Variants in EXOC4 observed in about 807,000 individuals in gnomAD.
EXOC4 encodes the protein SEC8-like 1.
EXOC4 carries 71 observed loss-of-function variants against 107.2 expected under a neutral mutation model. The observed-to-expected ratio is 0.66, with a 90% CI of 0.55 to 0.81. The LOEUF is 0.81. EXOC4 is among the 30% of genes least tolerant of loss of function. EXOC4 has a pLI of 0.00. For synonymous variants in EXOC4, 456 were observed against 441.2 expected (o/e 1.03, Z -0.42); for missense variants, 1,108 against 1,189.6 (o/e 0.93, Z 1.01).
At chr7:133,738,652 C>A (rs1795498399) in intron 10 of EXOC4, among the ~76,000 whole-genome samples, 1 of 152,136 alleles carries the variant, frequency 6.6e-6, no homozygotes, top group Non-Finnish European at 1.5e-5. Flanking sequence ...TTGAAAACAT[C>A]ATTTTTAGGG....
chr7:133,698,118 G>GAA (rs11429736), intron 10 of EXOC4, among the ~76,000 whole-genome samples: 9 of 151,808 alleles, frequency 5.9e-5, no homozygotes, highest in Admixed American at 3.9e-4. Context: ...AATAATTTAT[G>GAA]AAAAAAAATT....
At chr7:133,603,002 T>TACC (rs10700763) in intron 9 of EXOC4, among the ~76,000 whole-genome samples, 33,678 of 152,064 alleles carry the variant, frequency 0.22, 4,275 homozygotes, top group African/African-American at 0.33. Context: ...TGTCTACTAC[T>TACC]ACCCCAGTTA....
At chr7:133,788,001 A>ATG (rs1796624056) in intron 10 of EXOC4, among the ~76,000 whole-genome samples, 1 of 98,266 alleles carries the variant, frequency 1.0e-5, no homozygotes, top group Non-Finnish European at 2.1e-5. Flanking sequence ...ATATATATAT[A>ATG]TATATATATA....
At chr7:133,928,739 A>G (rs1242958621) in intron 13 of EXOC4, among the ~76,000 whole-genome samples, 1 of 152,038 alleles carries the variant, frequency 6.6e-6, no homozygotes, top group African/African-American at 2.4e-5. Flanking sequence ...GAGGCCAGAG[A>G]ACTAAAAAGC....
intron 9 of EXOC4, among the ~76,000 whole-genome samples, chr7:133,513,240 T>C (rs766564829): frequency 8.5e-5 from 13 of 152,208 alleles, no homozygotes; most frequent in Non-Finnish European, 1.6e-4. Context: ...GGCTAATTTT[T>C]GTATTTTTGG....
chr7:133,966,301 A>G (rs142114011), intron 14 of EXOC4, among the ~76,000 whole-genome samples: 1 of 152,294 alleles, frequency 6.6e-6, no homozygotes, highest in South Asian at 2.1e-4. Flanking sequence ...CTCTCTTCCT[A>G]TTTGAATATG....
At chr7:133,459,291 G>A (rs142409746) in intron 7 of EXOC4, among the ~76,000 whole-genome samples, 24 of 152,254 alleles carry the variant, frequency 1.6e-4, no homozygotes, top group South Asian at 4.1e-4. Flanking sequence ...CATAAGTACC[G>A]AGTTAGGCAC....
intron 10 of EXOC4, among the ~76,000 whole-genome samples, chr7:133,755,280 TATTATATAC>T (rs1795887012): frequency 2.9e-5 from 3 of 104,184 alleles, no homozygotes; most frequent in African/African-American, 4.0e-5. Context: ...ATATTATATA[TATTATATAC>T]ATATTATATA....
At chr7:133,537,263 G>A (rs1800288117) in intron 9 of EXOC4, among the ~76,000 whole-genome samples, 1 of 150,382 alleles carries the variant, frequency 6.6e-6, no homozygotes, top group Admixed American at 6.6e-5. Flanking sequence ...TGATTCTTGT[G>A]CCTCAGCCTC....
At chr7:133,521,973 T>C (rs1799989366) in intron 9 of EXOC4, among the ~76,000 whole-genome samples, 2 of 152,066 alleles carry the variant, frequency 1.3e-5, no homozygotes, top group South Asian at 4.1e-4. Context: ...ATAATAATAA[T>C]GGTGTGGATT....
intron 7 of EXOC4, among the ~76,000 whole-genome samples, chr7:133,414,938 C>T (rs1797441240): frequency 6.6e-6 from 1 of 152,226 alleles, no homozygotes; most frequent in East Asian, 1.9e-4. Context: ...CAACCGCTGC[C>T]AGCCTGTCAT....
intron 9 of EXOC4, among the ~76,000 whole-genome samples, chr7:133,585,723 T>C (rs911059735): frequency 1.3e-5 from 2 of 152,196 alleles, no homozygotes; most frequent in African/African-American, 2.4e-5. Flanking sequence ...AGACAGATTT[T>C]TGTTCTGTCA....
chr7:133,528,129 C>A (rs770959000), intron 9 of EXOC4, among the ~76,000 whole-genome samples: 1 of 152,164 alleles, frequency 6.6e-6, no homozygotes, highest in Non-Finnish European at 1.5e-5. Flanking sequence ...AGTGAAGACT[C>A]ACCTGATAAT....
intron 14 of EXOC4, among the ~76,000 whole-genome samples, chr7:133,964,178 C>A (rs116008977): frequency 3.9e-5 from 6 of 152,106 alleles, no homozygotes; most frequent in Non-Finnish European, 7.4e-5. Flanking sequence ...CCCCAAACCT[C>A]CTTAGAAAAA....
At chr7:133,706,237 G>A (rs368242585) in intron 10 of EXOC4, among the ~76,000 whole-genome samples, 1 of 152,052 alleles carries the variant, frequency 6.6e-6, no homozygotes, top group Non-Finnish European at 1.5e-5. Flanking sequence ...AGTTCCATTA[G>A]CCTCAATATA....
intron 9 of EXOC4, among the ~76,000 whole-genome samples, chr7:133,541,359 A>G (rs1254482431): frequency 6.6e-6 from 1 of 152,168 alleles, no homozygotes; most frequent in Admixed American, 6.5e-5. Context: ...AATCTCCCTG[A>G]TAGCTATAGA....
intron 7 of EXOC4, among the ~76,000 whole-genome samples, chr7:133,417,247 AGTC>A (rs1435920507): frequency 6.6e-6 from 1 of 152,188 alleles, no homozygotes; most frequent in African/African-American, 2.4e-5. Flanking sequence ...GGCACTAAAG[AGTC>A]TAAGAAAGGC....
At chr7:133,918,139 C>T (rs928431890) in intron 13 of EXOC4, among the ~76,000 whole-genome samples, 10 of 104,110 alleles carry the variant, frequency 9.6e-5, no homozygotes, top group African/African-American at 4.9e-4. Flanking sequence ...CCCACCACCA[C>T]GCCCGGCTAA....
intron 10 of EXOC4, among the ~76,000 whole-genome samples, chr7:133,760,708 A>C (rs1279883706): frequency 6.6e-6 from 1 of 151,646 alleles, no homozygotes; most frequent in Non-Finnish European, 1.5e-5. Context: ...TATTGTTTTC[A>C]CTATATTATA....
Sources: gnomAD v4.1 joint callset for allele counts (sites outside exome capture counted in the v4.1 genomes callset) on GRCh38, gnomAD v4.1.1 for gene constraint, MANE v1.5 for transcripts, NCBI Gene and HGNC (gene_info 2026-07-23, HGNC 2026-07-21) for gene names.